Variants in KSR2 observed in about 807,000 individuals in gnomAD.
The protein encoded by KSR2 is kinase suppressor of ras 2.
Under a neutral mutation model 107.8 loss-of-function variants are expected in KSR2, and 25 were observed. That is an observed-to-expected ratio of 0.23 (90% confidence interval 0.17 to 0.32). The LOEUF (loss-of-function observed/expected upper bound fraction) is 0.32, where lower values mean the gene tolerates loss of function less well. KSR2 is among the 10% of genes least tolerant of loss of function. The probability of loss-of-function intolerance (pLI) is 1.00; values close to 1 mark genes in which losing one functional copy is unlikely to be tolerated. For missense variants in KSR2, 887 were observed against 1,268.9 expected (o/e 0.70, Z 4.57); for synonymous variants, 480 against 507.0 (o/e 0.95, Z 0.71).
chr12:117,880,975 AT>A (rs58189046), intron 1 of KSR2, among the ~76,000 whole-genome samples: 23 of 146,458 alleles, frequency 1.6e-4, no homozygotes, highest in Admixed American at 2.7e-4. Flanking sequence ...TGGTCTTTTT[AT>A]TTTTTTTTTT....
At chr12:117,839,516 C>T (rs879468444) in intron 3 of KSR2, among the ~76,000 whole-genome samples, 1 of 152,122 alleles carries the variant, frequency 6.6e-6, no homozygotes, top group Admixed American at 6.6e-5. Context: ...CTCAGAACAC[C>T]GCCTGACACT....
chr12:117,965,290 T>C (rs1896754236), intron 1 of KSR2, among the ~76,000 whole-genome samples: 2 of 152,196 alleles, frequency 1.3e-5, no homozygotes, highest in Admixed American at 6.5e-5. Context: ...ATTACTAACC[T>C]ACTGAGCCAA....
chr12:117,740,596 A>ATAT (rs1555233881), intron 4 of KSR2, among the ~76,000 whole-genome samples: 37 of 133,182 alleles, frequency 2.8e-4, no homozygotes, highest in Non-Finnish European at 5.0e-4. Context: ...TACTATATAC[A>ATAT]TATATAGATG....
chr12:117,906,399 AG>A (rs1894847503), intron 1 of KSR2, among the ~76,000 whole-genome samples: 1 of 149,352 alleles, frequency 6.7e-6, no homozygotes, highest in Non-Finnish European at 1.5e-5. Context: ...ACCTGAGATC[AG>A]GAGTTCGAGA....
At chr12:117,579,275 C>G (rs1879490407) in intron 6 of KSR2, 73 bp from the exon 7 acceptor site, 1 of 1,032,528 alleles carries the variant, frequency 9.7e-7, no homozygotes, top group Non-Finnish European at 1.5e-6. Flanking sequence ...GGATGAAGTA[C>G]TTGAAGAGCA....
chr12:117,842,502 G>C lies in KSR2; in HGVS notation c.472+12926C>G, dbSNP rs148367831. Among the ~76,000 whole-genome samples, 81 of 152,312 alleles carry C rather than the reference G, an allele frequency of 5.3e-4. 1 individual carries two copies. The highest frequency in any genetic ancestry group is 1.8e-3 in the African/African-American group (73 of 41,574). On this transcript the variant is annotated intron_variant, in intron 3 of 19. Transcript: ENST00000339824. This position sits in a 1 kb window ranked among gnomAD's most constrained non-coding sequence, Gnocchi z 4.2. The stretch of plus-strand genomic sequence containing the variant: ...GACAGGACTGGGGGTCTCATTCTAA[G>C]ATGTAATAGTCTGTTTGGAGCTGAC...
intron 3 of KSR2, among the ~76,000 whole-genome samples, chr12:117,774,175 G>C (rs1281196435): frequency 6.6e-6 from 1 of 152,108 alleles, no homozygotes; most frequent in Non-Finnish European, 1.5e-5. Context: ...GTCAGCACCT[G>C]GGGCAGCTCC....
At chr12:117,545,124 T>C (rs529154744) in intron 9 of KSR2, among the ~76,000 whole-genome samples, 1 of 152,326 alleles carries the variant, frequency 6.6e-6, no homozygotes, top group African/African-American at 2.4e-5. Context: ...TGGTGAATTA[T>C]GTTAATTGAT....
chr12:117,532,413 C>T (rs1370489926), intron 10 of KSR2, among the ~76,000 whole-genome samples: 1 of 152,150 alleles, frequency 6.6e-6, no homozygotes, highest in Non-Finnish European at 1.5e-5. Context: ...TTGCTTCCCT[C>T]TGATAAGGAC....
Position 117,761,233 on chromosome 12 carries a change from C to T in KSR2, c.764G>A (p.Arg255Gln). The T allele has an allele frequency of 6.5e-7, 1 of 1,541,320 alleles. No homozygotes were observed. ...GCGCGGCGGGGTGCGGACCGCGTGCCGCTGCCGGGGCGATGGGGGCAGGGA... is the reference window on the plus strand; with the variant it reads ...GCGCGGCGGGGTGCGGACCGCGTGCTGCTGCCGGGGCGATGGGGGCAGGGA... ...HRSLPPSPRQ[R>Q]HAVRTPPRTP... is the part of the protein sequence containing the mutation. Residue 255 changes from arginine (R) to glutamine (Q), a missense_variant, in exon 4 of 20, where the codon CGG (arginine) becomes CAG (glutamine). By Grantham distance (43) the Arg-to-Gln change is conservative. This residue lies in a region of KSR2 where 399 missense variants were observed against 479.5 expected (regional missense o/e 0.83). Coordinates refer to ENST00000339824, the MANE Select transcript of KSR2 (RefSeq NM_173598.6).
chr12:117,877,486 C>T (rs1180995546), intron 1 of KSR2, among the ~76,000 whole-genome samples: 1 of 152,082 alleles, frequency 6.6e-6, no homozygotes, highest in Non-Finnish European at 1.5e-5. Context: ...GTGTTAATAA[C>T]GCTGTTACTG....
intron 9 of KSR2, among the ~76,000 whole-genome samples, chr12:117,550,891 T>C (rs887627796): frequency 2.6e-5 from 4 of 152,198 alleles, no homozygotes; most frequent in African/African-American, 9.6e-5. Context: ...CCTCCACGTC[T>C]AGTTTCATGA....
intron 3 of KSR2, among the ~76,000 whole-genome samples, chr12:117,828,232 A>G (rs561512850): frequency 1.3e-5 from 2 of 151,984 alleles, no homozygotes; most frequent in South Asian, 4.2e-4. Flanking sequence ...CTCAATACCA[A>G]CTCTTCCCTG....
chr12:117,882,145 G>A (rs894337471), intron 1 of KSR2, among the ~76,000 whole-genome samples: 4 of 152,188 alleles, frequency 2.6e-5, no homozygotes, highest in Non-Finnish European at 4.4e-5. Flanking sequence ...GAGTCCAGTG[G>A]AGCAGACAGG....
rs749995748 is a variant in KSR2, at chr12:117,879,791, C to A, written c.181-19360G>T. 9.7e-4 allele frequency among the ~76,000 whole-genome samples: 148 copies of A among 152,248 alleles called. 1 individual carries two copies. Among genetic ancestry groups the A allele is most frequent in the Non-Finnish European group, 1.6e-3 (112 of 68,016 alleles). On this transcript the variant is annotated intron_variant, in intron 1 of 19. Transcript: ENST00000339824. ...AAATTTTTTGAAGATGTTTAATTAA[C>A]CAACGTTGCAATTGGGAGCACACAT...
intron 1 of KSR2, among the ~76,000 whole-genome samples, chr12:117,929,904 G>A (rs1476335772): frequency 6.6e-6 from 1 of 152,136 alleles, no homozygotes; most frequent in Admixed American, 6.5e-5. Flanking sequence ...GTTTCTAATA[G>A]GGATGATGAA....
chr12:117,899,870 G>A (rs766814527), intron 1 of KSR2, among the ~76,000 whole-genome samples: 1 of 152,210 alleles, frequency 6.6e-6, no homozygotes, highest in African/African-American at 2.4e-5. Context: ...ACACAGCAAC[G>A]AGCAACTTGA....
At chr12:117,868,089 A>C (rs1023958759) in intron 1 of KSR2, among the ~76,000 whole-genome samples, 2 of 152,210 alleles carry the variant, frequency 1.3e-5, no homozygotes, top group Admixed American at 6.5e-5. Flanking sequence ...TTAAAGGGTT[A>C]AGGTGTCCTT....
intron 14 of KSR2, among the ~76,000 whole-genome samples, chr12:117,497,202 A>G (rs1428001198): frequency 6.6e-6 from 1 of 152,152 alleles, no homozygotes; most frequent in Non-Finnish European, 1.5e-5. Context: ...TATTGTCACA[A>G]TGATGGTGAG....
Sources: allele counts gnomAD v4.1 joint callset (sites outside exome capture counted in the v4.1 genomes callset), GRCh38; gene constraint gnomAD v4.1.1; regional missense constraint gnomAD v4.1.1; non-coding constraint Gnocchi (gnomAD v3.1); transcripts MANE v1.5; gene names NCBI Gene and HGNC (gene_info 2026-07-23, HGNC 2026-07-21).